The following YPEL2 variants were observed in gnomAD, a reference collection of about 807,000 sequenced individuals.
The protein encoded by YPEL2 is protein yippee-like 2.
Under a neutral mutation model 19.1 loss-of-function variants are expected in YPEL2, and 2 were observed. The ratio of observed to expected loss-of-function variants is 0.10; its 90% CI spans 0.04 to 0.33. YPEL2 has a LOEUF of 0.33. Ranked by LOEUF, YPEL2 falls within the 10% of genes least tolerant of loss-of-function variation. The pLI is 1.00. For missense variants in YPEL2, 66 were observed against 140.7 expected (o/e 0.47, Z 2.68); for synonymous variants, 52 against 50.0 (o/e 1.04, Z -0.17).
chr17:59,333,672 C>G (rs1046021071), intron 1 of YPEL2, among the ~76,000 whole-genome samples: 3 of 152,106 alleles, frequency 2.0e-5, no homozygotes, highest in African/African-American at 7.2e-5. Context: ...ATTTGATTTC[C>G]TGACCAAGCA....
rs550069984 is a variant in YPEL2, at chr17:59,372,003, A to G, written c.118-16324A>G. Among the ~76,000 whole-genome samples the G allele has an allele frequency of 2.0e-5, 3 of 152,214 alleles. No homozygotes were observed. In the East Asian group the frequency reaches 5.8e-4, roughly 29 times the overall value. ...ACCAAGTATCTGAAACCTGCTGGCTATAGGAATTATTACATTATGTGGAGT... is the reference window on the plus strand; with the variant it reads ...ACCAAGTATCTGAAACCTGCTGGCTGTAGGAATTATTACATTATGTGGAGT... On this transcript the variant is annotated intron_variant, in intron 2 of 4. Transcript: ENST00000312655.
intron 2 of YPEL2, among the ~76,000 whole-genome samples, chr17:59,367,668 T>C (rs995944754): frequency 1.3e-5 from 2 of 152,216 alleles, no homozygotes; most frequent in Non-Finnish European, 2.9e-5. Context: ...CAAACCAGCA[T>C]GGTGGCTTGT....
chr17:59,365,803 G>A lies in YPEL2; in HGVS notation c.117+12277G>A, dbSNP rs147167173. On this transcript the variant is annotated intron_variant, in intron 2 of 4. Coordinates refer to ENST00000312655, the MANE Select transcript of YPEL2 (RefSeq NM_001005404.4). The stretch of plus-strand genomic sequence containing the variant: ...CTTATTGCTGGTGGCTGGACAGTGA[G>A]TTGGAGGAGGAGGGGGAGAGGAAGA... 1.6e-4 allele frequency among the ~76,000 whole-genome samples: 24 copies of A among 152,240 alleles called. No homozygotes were observed. The East Asian group carries it at 4.6e-3, about 29-fold the overall frequency.
At chr17:59,339,334 A>G (rs1048394587) in intron 1 of YPEL2, among the ~76,000 whole-genome samples, 1 of 152,024 alleles carries the variant, frequency 6.6e-6, no homozygotes, top group African/African-American at 2.4e-5. Flanking sequence ...TTCTGTTAGG[A>G]TTTGAGGAAA....
intron 1 of YPEL2, among the ~76,000 whole-genome samples, 161 bp downstream of exon 1, chr17:59,331,985 G>C (rs2047672220): frequency 6.6e-6 from 1 of 151,620 alleles, no homozygotes; most frequent in African/African-American, 2.4e-5. Context: ...GTCCCCGTGG[G>C]CGCCGGGGAC....
At chr17:59,339,294 G>A (rs1341445915) in intron 1 of YPEL2, among the ~76,000 whole-genome samples, 1 of 152,154 alleles carries the variant, frequency 6.6e-6, no homozygotes, top group Admixed American at 6.5e-5. Context: ...AATAGGGCTT[G>A]CAGTTTGTTT....
Position 59,335,067 on chromosome 17 carries a change from T to C in YPEL2, c.-196+3243T>C, listed in dbSNP as rs141220763. Among the ~76,000 whole-genome samples, 202 of 152,304 alleles carry C rather than the reference T, an allele frequency of 1.3e-3. 1 individual carries two copies. Among genetic ancestry groups the C allele is most frequent in the Non-Finnish European group, 1.8e-3 (121 of 68,016 alleles). ...GCATTCCCCTGAGCATAAAAAGGTATAAAGTTTTGGAAAAGGAAGAAGCAT... is the reference window on the plus strand; with the variant it reads ...GCATTCCCCTGAGCATAAAAAGGTACAAAGTTTTGGAAAAGGAAGAAGCAT... On this transcript the variant is annotated intron_variant, in intron 1 of 4. Transcript: ENST00000312655.
intron 1 of YPEL2, among the ~76,000 whole-genome samples, chr17:59,333,599 C>T (rs373321900): frequency 6.6e-6 from 1 of 152,058 alleles, no homozygotes; most frequent in Non-Finnish European, 1.5e-5. Context: ...GCAGTGTGCT[C>T]TGTTTTAAAG....
At chr17:59,342,207 T>C (rs536847887) in intron 1 of YPEL2, among the ~76,000 whole-genome samples, 49 of 152,292 alleles carry the variant, frequency 3.2e-4, no homozygotes, top group African/African-American at 8.2e-4. Context: ...TTGTAGCTAA[T>C]TGGGGCCCCA....
intron 2 of YPEL2, among the ~76,000 whole-genome samples, chr17:59,378,349 T>C (rs1242986823): frequency 1.7e-3 from 52 of 30,784 alleles, no homozygotes; most frequent in African/African-American, 0.013. Context: ...GTCTCCTCCT[T>C]TTTTTTTTTT....
intron 2 of YPEL2, among the ~76,000 whole-genome samples, chr17:59,379,749 C>CT (rs895712780): frequency 6.6e-6 from 1 of 152,048 alleles, no homozygotes; most frequent in Non-Finnish European, 1.5e-5. Flanking sequence ...ATCTCACACT[C>CT]TTTTGTAATG....
intron 4 of YPEL2, among the ~76,000 whole-genome samples, chr17:59,393,080 A>C (rs1184331373): frequency 6.6e-6 from 1 of 152,094 alleles, no homozygotes; most frequent in African/African-American, 2.4e-5. Flanking sequence ...GGTCTAGTGC[A>C]CTTTCCATTG....
chr17:59,340,367 C>G (rs951739890), intron 1 of YPEL2, among the ~76,000 whole-genome samples: 4 of 151,738 alleles, frequency 2.6e-5, no homozygotes, highest in Non-Finnish European at 4.4e-5. Flanking sequence ...CCTTGGCCTC[C>G]CAAAGTGCTG....
chr17:59,332,843 TC>T (rs2047678764), intron 1 of YPEL2, among the ~76,000 whole-genome samples: 1 of 152,200 alleles, frequency 6.6e-6, no homozygotes, highest in Admixed American at 6.5e-5. Context: ...CTTTCTGGCC[TC>T]CTTGCTGATT....
chr17:59,365,855 C>T (rs1056900481), intron 2 of YPEL2, among the ~76,000 whole-genome samples: 1 of 152,032 alleles, frequency 6.6e-6, no homozygotes, highest in Non-Finnish European at 1.5e-5. Flanking sequence ...TGCCAGCTGC[C>T]GCTAGAAACA....
intron 2 of YPEL2, among the ~76,000 whole-genome samples, chr17:59,360,158 G>A (rs1215502723): frequency 6.6e-6 from 1 of 152,106 alleles, no homozygotes; most frequent in African/African-American, 2.4e-5. Context: ...CTCACTGCAA[G>A]CTCCGCTTCC....
At chr17:59,389,264 C>T in intron 3 of YPEL2, 96 bp from the exon 4 acceptor site, 1 of 1,127,994 alleles carries the variant, frequency 8.9e-7, no homozygotes, top group East Asian at 2.6e-5. Flanking sequence ...CCCCTTGGGA[C>T]AGCCTTTCCC....
At chr17:59,371,459 G>A (rs1216970809) in intron 2 of YPEL2, among the ~76,000 whole-genome samples, 2 of 152,186 alleles carry the variant, frequency 1.3e-5, no homozygotes, top group African/African-American at 4.8e-5. Flanking sequence ...ACCTTGGGGT[G>A]GAAATTGGAG....
At position 59,361,741 on chromosome 17, in the gene YPEL2, A is replaced by G. The variant is rs988678372; in HGVS notation, c.117+8215A>G. ...ATGGCTTTCATCAGGCTCTCCACCAAAGATACTGTTGGTTAAAAAAGGAAA... is the reference window on the plus strand; with the variant it reads ...ATGGCTTTCATCAGGCTCTCCACCAGAGATACTGTTGGTTAAAAAAGGAAA... On this transcript the variant is annotated intron_variant, in intron 2 of 4. Transcript: ENST00000312655. Among the ~76,000 whole-genome samples, 150 of 152,288 alleles carry G rather than the reference A, an allele frequency of 9.8e-4. 1 individual carries two copies. Among genetic ancestry groups the G allele is most frequent in the East Asian group, 1.9e-4 (1 of 5,186 alleles).
Sources: gnomAD v4.1 joint callset for allele counts (sites outside exome capture counted in the v4.1 genomes callset) on GRCh38, gnomAD v4.1.1 for gene constraint, MANE v1.5 for transcripts, NCBI Gene and HGNC (gene_info 2026-07-23, HGNC 2026-07-21) for gene names.